ALCAM: variants seen among roughly 807,000 people sequenced by gnomAD.
ALCAM encodes the protein activated leukocyte cell adhesion molecule.
In ALCAM, 30 loss-of-function variants were observed where a neutral mutation model predicts 70.9. That is an observed-to-expected ratio of 0.42 (90% CI 0.32 to 0.57). The LOEUF is 0.57. ALCAM is among the 20% of genes least tolerant of loss of function. ALCAM has a pLI of 0.11. For missense variants in ALCAM, 591 were observed against 695.1 expected, an observed-to-expected ratio of 0.85 and a Z score of 1.68; for synonymous variants, 249 against 242.5, an observed-to-expected ratio of 1.03 and a Z score of -0.25.
At chr3:105,520,230 G>A in intron 2 of ALCAM, 63 bp downstream of exon 2, 1 of 1,103,342 alleles carries the variant, frequency 9.1e-7, no homozygotes, top group East Asian at 2.4e-5. Flanking sequence ...AATTCTTTCT[G>A]TGAGTAACTG....
At chr3:105,512,954 C>T (rs989941728) in intron 1 of ALCAM, among the ~76,000 whole-genome samples, 29 of 151,840 alleles carry the variant, frequency 1.9e-4, no homozygotes, top group African/African-American at 7.0e-4. Context: ...GAAAAACATA[C>T]TTAAACATTT....
intron 1 of ALCAM, among the ~76,000 whole-genome samples, chr3:105,442,954 T>C (rs1937209644): frequency 6.6e-6 from 1 of 152,134 alleles, no homozygotes; most frequent in Non-Finnish European, 1.5e-5. Context: ...TTGAGCCCCC[T>C]GAGTAGCTTG....
chr3:105,417,198 T>C (rs1936527913), intron 1 of ALCAM, among the ~76,000 whole-genome samples: 1 of 151,868 alleles, frequency 6.6e-6, no homozygotes, highest in Admixed American at 6.6e-5. Context: ...GTCGCCTGGG[T>C]AAACTTACTC....
At chr3:105,542,792 G>A (rs555972488) in intron 8 of ALCAM, among the ~76,000 whole-genome samples, 1 of 151,846 alleles carries the variant, frequency 6.6e-6, no homozygotes, top group East Asian at 2.0e-4. Context: ...GCTTCTGATT[G>A]TCTGATGTTG....
chr3:105,400,106 C>A (rs745713108), intron 1 of ALCAM, among the ~76,000 whole-genome samples: 32 of 152,042 alleles, frequency 2.1e-4, no homozygotes, highest in Non-Finnish European at 4.0e-4. Flanking sequence ...GGGTTAACTA[C>A]GTTGTCCTGT....
intron 3 of ALCAM, among the ~76,000 whole-genome samples, chr3:105,529,000 C>T (rs187867587): frequency 9.9e-5 from 15 of 152,216 alleles, no homozygotes; most frequent in East Asian, 9.7e-4. Context: ...CACACACATG[C>T]GTGCACACGC....
chr3:105,489,878 T>C (rs935638524), intron 1 of ALCAM, among the ~76,000 whole-genome samples: 1 of 152,238 alleles, frequency 6.6e-6, no homozygotes, highest in Admixed American at 6.5e-5. Context: ...CTGGATATTC[T>C]TTGTTACATA....
intron 1 of ALCAM, among the ~76,000 whole-genome samples, chr3:105,389,066 G>A (rs1935730465): frequency 6.6e-6 from 1 of 151,534 alleles, no homozygotes; most frequent in Admixed American, 6.6e-5. Flanking sequence ...AAAATGATGA[G>A]CAAAGTGAAT....
chr3:105,495,555 GACA>G (rs1487708380), intron 1 of ALCAM, among the ~76,000 whole-genome samples: 6 of 152,232 alleles, frequency 3.9e-5, no homozygotes, highest in South Asian at 2.1e-4. Flanking sequence ...GAAATAGTGA[GACA>G]ACAAGTTTTA....
chr3:105,568,470 C>A (rs532770044), intron 14 of ALCAM, among the ~76,000 whole-genome samples: 3 of 152,128 alleles, frequency 2.0e-5, no homozygotes, highest in African/African-American at 7.2e-5. Flanking sequence ...CTAAGCACTT[C>A]TGGCTTGGTG....
At chr3:105,496,359 A>C (rs1938736762) in intron 1 of ALCAM, among the ~76,000 whole-genome samples, 1 of 152,138 alleles carries the variant, frequency 6.6e-6, no homozygotes, top group South Asian at 2.1e-4. Flanking sequence ...TCCCCAGAAA[A>C]GTCAACTCTG....
chr3:105,378,371 C>T (rs1270283784), intron 1 of ALCAM, among the ~76,000 whole-genome samples: 1 of 151,848 alleles, frequency 6.6e-6, no homozygotes, highest in Non-Finnish European at 1.5e-5. Flanking sequence ...TTTAGATGTT[C>T]AAATCTGGGG....
At chr3:105,386,119 C>A (rs1215633121) in intron 1 of ALCAM, among the ~76,000 whole-genome samples, 9 of 151,632 alleles carry the variant, frequency 5.9e-5, no homozygotes, top group African/African-American at 9.6e-5. Context: ...AAAGAGTTGA[C>A]CTTCCAAGAC....
intron 1 of ALCAM, among the ~76,000 whole-genome samples, chr3:105,368,947 C>T (rs1466795384): frequency 1.3e-5 from 2 of 152,118 alleles, no homozygotes; most frequent in African/African-American, 4.8e-5. Flanking sequence ...AAGCAGGTGT[C>T]CTAGTGTAAC....
At chr3:105,571,635 T>C (rs1940862997) in intron 14 of ALCAM, among the ~76,000 whole-genome samples, 1 of 152,192 alleles carries the variant, frequency 6.6e-6, no homozygotes. Flanking sequence ...GATTTTTTTT[T>C]CTCTTAGCAT....
chr3:105,506,092 A>G (rs1939067293), intron 1 of ALCAM, among the ~76,000 whole-genome samples: 1 of 152,338 alleles, frequency 6.6e-6, no homozygotes, highest in South Asian at 2.1e-4. Flanking sequence ...TTAGAAACAC[A>G]AATTTATGGA....
intron 1 of ALCAM, among the ~76,000 whole-genome samples, chr3:105,445,794 A>G (rs1200641893): frequency 6.6e-6 from 1 of 152,232 alleles, no homozygotes; most frequent in Non-Finnish European, 1.5e-5. Flanking sequence ...GAATGAAGCT[A>G]GACCTCTATC....
chr3:105,371,759 T>C (rs1413367497), intron 1 of ALCAM, among the ~76,000 whole-genome samples: 1 of 152,126 alleles, frequency 6.6e-6, no homozygotes, highest in African/African-American at 2.4e-5. Flanking sequence ...TCCCTGAAGG[T>C]ATTCACTCAA....
chr3:105,535,701 A>G (rs1375173122), intron 6 of ALCAM, among the ~76,000 whole-genome samples: 1 of 151,830 alleles, frequency 6.6e-6, no homozygotes, highest in Non-Finnish European at 1.5e-5. Context: ...CATTATCACA[A>G]TATAAACATA....
Sources: allele counts gnomAD v4.1 joint callset (sites outside exome capture counted in the v4.1 genomes callset), GRCh38; gene constraint gnomAD v4.1.1; transcripts MANE v1.5; gene names NCBI Gene and HGNC (gene_info 2026-07-23, HGNC 2026-07-21).